The following CNTN3 variants were observed in gnomAD, a reference collection of about 807,000 sequenced individuals.
The protein encoded by CNTN3 is contactin-3.
CNTN3 carries 60 observed loss-of-function variants against 119.1 expected under a neutral mutation model. That is an observed-to-expected ratio of 0.50 (90% CI 0.41 to 0.62). The LOEUF (loss-of-function observed/expected upper bound fraction) is 0.62. CNTN3 is among the 20% of genes least tolerant of loss of function. The pLI is 0.00. For synonymous variants in CNTN3, 450 were observed against 438.7 expected (o/e 1.03, Z -0.32); for missense variants, 1,101 against 1,242.4 (o/e 0.89, Z 1.71).
At chr3:74,602,515 G>A (rs997881303) in intron 1 of CNTN3, among the ~76,000 whole-genome samples, 1 of 151,858 alleles carries the variant, frequency 6.6e-6, no homozygotes, top group African/African-American at 2.4e-5. Flanking sequence ...TTCACTCTCA[G>A]CTTTAGTGGT....
chr3:74,408,895 T>C (rs2106866113), intron 5 of CNTN3, among the ~76,000 whole-genome samples: 1 of 152,314 alleles, frequency 6.6e-6, no homozygotes, highest in South Asian at 2.1e-4. Flanking sequence ...CTAGTATCCT[T>C]CTGGAACTAA....
intron 5 of CNTN3, among the ~76,000 whole-genome samples, chr3:74,401,541 T>C (rs924700258): frequency 2.6e-5 from 4 of 151,980 alleles, no homozygotes; most frequent in Admixed American, 1.3e-4. Context: ...CAGAGTTGTC[T>C]GAAACAAGCT....
chr3:74,491,481 C>T (rs755715566), intron 3 of CNTN3, among the ~76,000 whole-genome samples: 2 of 152,104 alleles, frequency 1.3e-5, no homozygotes, highest in African/African-American at 4.8e-5. Context: ...GTGTTGGCAA[C>T]AGAACCAGAT....
chr3:74,420,855 G>C (rs922577077), intron 5 of CNTN3, among the ~76,000 whole-genome samples: 1 of 152,170 alleles, frequency 6.6e-6, no homozygotes, highest in Non-Finnish European at 1.5e-5. Flanking sequence ...GCAAACTCCC[G>C]AAGTGTAGCC....
At chr3:74,374,911 T>G (rs1704440628) in intron 5 of CNTN3, among the ~76,000 whole-genome samples, 1 of 152,152 alleles carries the variant, frequency 6.6e-6, no homozygotes, top group South Asian at 2.1e-4. Flanking sequence ...CTTACATTCT[T>G]GAACAACCAT....
chr3:74,497,878 C>CA (rs1185950868), intron 3 of CNTN3, among the ~76,000 whole-genome samples: 1 of 151,782 alleles, frequency 6.6e-6, no homozygotes, highest in Non-Finnish European at 1.5e-5. Flanking sequence ...TATTTAAATA[C>CA]AGACTCCATG....
At chr3:74,348,182 T>C (rs1266345315) in intron 11 of CNTN3, among the ~76,000 whole-genome samples, 1 of 152,144 alleles carries the variant, frequency 6.6e-6, no homozygotes, top group Admixed American at 6.6e-5. Flanking sequence ...TCTTAAGTGT[T>C]CTCAACACAC....
chr3:74,482,757 A>G (rs1702784586), intron 4 of CNTN3, among the ~76,000 whole-genome samples: 1 of 152,150 alleles, frequency 6.6e-6, no homozygotes, highest in African/African-American at 2.4e-5. Flanking sequence ...GCACTTGAAC[A>G]TCCATTTGCC....
intron 5 of CNTN3, among the ~76,000 whole-genome samples, chr3:74,408,203 C>A (rs559637000): frequency 3.9e-5 from 6 of 152,210 alleles, no homozygotes; most frequent in East Asian, 1.9e-4. Context: ...ACTGGTCTTG[C>A]AAGTTTGTGT....
At chr3:74,373,654 C>T (rs1427388948) in intron 5 of CNTN3, among the ~76,000 whole-genome samples, 2 of 152,110 alleles carry the variant, frequency 1.3e-5, no homozygotes, top group African/African-American at 2.4e-5. Context: ...GAATAAATAT[C>T]ACAAATATAA....
At chr3:74,395,999 C>G (rs530716975) in intron 5 of CNTN3, among the ~76,000 whole-genome samples, 7 of 152,110 alleles carry the variant, frequency 4.6e-5, no homozygotes, top group African/African-American at 1.7e-4. Context: ...TGTAAGATGG[C>G]AAACTTGATT....
rs555828041 is a variant in CNTN3, at chr3:74,446,839, T to C, written c.359-21899A>G. Among the ~76,000 whole-genome samples, 4 of 152,222 alleles carry C rather than the reference T, an allele frequency of 2.6e-5. No homozygotes were observed. The South Asian group carries it at 6.2e-4, about 24-fold the overall frequency. ...CATGCATTCCCAGAGATCAGGGTCA[T>C]AGGGTATAAGTTTTTTTGAGTCAGA... On this transcript the variant is annotated intron_variant, in intron 4 of 22. Transcript: ENST00000263665.
chr3:74,302,193 T>C (rs1289332777), intron 14 of CNTN3, among the ~76,000 whole-genome samples: 2 of 152,194 alleles, frequency 1.3e-5, no homozygotes, highest in Admixed American at 1.3e-4. Context: ...CAATCTGATA[T>C]CTAGATGTGT....
At chr3:74,529,894 GA>G (rs1237485065) in intron 1 of CNTN3, among the ~76,000 whole-genome samples, 1 of 151,582 alleles carries the variant, frequency 6.6e-6, no homozygotes, top group East Asian at 2.0e-4. Flanking sequence ...TGATCTTGGG[GA>G]AAAACTCAAA....
chr3:74,500,283 G>A (rs9822092), intron 2 of CNTN3, among the ~76,000 whole-genome samples: 8,932 of 151,350 alleles, frequency 0.059, 556 homozygotes, highest in East Asian at 0.21. Context: ...GCAAATTGAA[G>A]AGAAAGATAC....
intron 4 of CNTN3, among the ~76,000 whole-genome samples, chr3:74,439,806 G>C (rs1418477218): frequency 6.6e-6 from 1 of 152,112 alleles, no homozygotes; most frequent in Non-Finnish European, 1.5e-5. Flanking sequence ...GTCGTATTTA[G>C]GTATGTTCAT....
chr3:74,598,948 G>A (rs1259128815), intron 1 of CNTN3, among the ~76,000 whole-genome samples: 1 of 152,008 alleles, frequency 6.6e-6, no homozygotes, highest in Non-Finnish European at 1.5e-5. Context: ...ACATTTAGAT[G>A]TAGAGATATT....
At chr3:74,383,861 G>A (rs1172325024) in intron 5 of CNTN3, among the ~76,000 whole-genome samples, 2 of 152,124 alleles carry the variant, frequency 1.3e-5, no homozygotes, top group Non-Finnish European at 2.9e-5. Flanking sequence ...ATTGAATATT[G>A]GCTTCATTGT....
chr3:74,285,173 G>A, intron 20 of CNTN3, 132 bp downstream of exon 20: 2 of 964,304 alleles, frequency 2.1e-6, no homozygotes, highest in Non-Finnish European at 3.0e-6. Flanking sequence ...TTTGGAGTTA[G>A]GTTTTGGAGT....
Sources: gnomAD v4.1 joint callset for allele counts (sites outside exome capture counted in the v4.1 genomes callset) on GRCh38, gnomAD v4.1.1 for gene constraint, MANE v1.5 for transcripts, NCBI Gene and HGNC (gene_info 2026-07-23, HGNC 2026-07-21) for gene names.